The following UNC45B variants were observed in gnomAD, a reference collection of about 807,000 sequenced individuals.
UNC45B encodes protein unc-45 homolog B.
In UNC45B, 78 loss-of-function variants were observed where a neutral mutation model predicts 98.7. That is an observed-to-expected ratio of 0.79 (90% CI 0.66 to 0.95). The LOEUF (loss-of-function observed/expected upper bound fraction) is 0.95. Among genes scored for constraint, UNC45B ranks in the 40% least tolerant of loss-of-function variants. The pLI is 0.00. For missense variants in UNC45B, 1,225 were observed against 1,184.9 expected (o/e 1.03, Z -0.50); for synonymous variants, 462 against 480.4 (o/e 0.96, Z 0.50).
At position 35,183,525 on chromosome 17, in the gene UNC45B, G is replaced by T; in HGVS notation, c.2472G>T (p.Gly824=). 6.2e-7 allele frequency: 1 copy of T among 1,603,496 alleles called. No homozygotes were observed. Among genetic ancestry groups the T allele is most frequent in the Non-Finnish European group, 8.5e-7 (1 of 1,174,506 alleles). ...DDDKVQNAAA[G]ALAMLTAAHK... is the part of the protein sequence containing the mutation. Reference sequence around the variant, plus strand: ...ATAAGGTGCAGAATGCGGCTGCAGGGGCTCTGGCCATGCTGACAGCAGCAC... The same window carrying T: ...ATAAGGTGCAGAATGCGGCTGCAGGTGCTCTGGCCATGCTGACAGCAGCAC... The change falls in exon 19 of 20, where the codon GGG becomes GGT. Residue 824 remains glycine, a synonymous_variant. Coordinates refer to ENST00000394570, the MANE Select transcript of UNC45B (RefSeq NM_001267052.2).
rs551510023 is a variant in UNC45B at position 35,175,529 on chromosome 17, G to C, written c.1959-439G>C. ...GGGAAGGTTCCAGGCAGAGAGAATA[G>C]CATCTGCAAAGACACTGAGGATGGA... On this transcript the variant is annotated intron_variant, in intron 14 of 19. Coordinates refer to ENST00000394570, the MANE Select transcript of UNC45B (RefSeq NM_001267052.2). 3.3e-4 allele frequency among the ~76,000 whole-genome samples: 50 copies of C among 152,270 alleles called. No individual in the cohort carries two copies. In the South Asian group the frequency reaches 9.7e-3, roughly 30 times the overall value.
At chr17:35,179,953 T>C (rs1215506588) in intron 17 of UNC45B, among the ~76,000 whole-genome samples, 17 of 152,144 alleles carry the variant, frequency 1.1e-4, no homozygotes, top group Admixed American at 1.1e-3. Context: ...TATTCCTCTT[T>C]GGAAGCAGGA....
At chr17:35,159,258 A>G (rs2092084821) in intron 7 of UNC45B, 117 bp from the exon 8 acceptor site, 9 of 981,190 alleles carry the variant, frequency 9.2e-6, no homozygotes, top group Non-Finnish European at 1.4e-5. Flanking sequence ...GGGAATTCAC[A>G]TATTCAGGAA....
chr17:35,153,053 G>C, intron 5 of UNC45B, 71 bp downstream of exon 5: 1 of 1,359,050 alleles, frequency 7.4e-7, no homozygotes, highest in Non-Finnish European at 1.0e-6. Flanking sequence ...CATTCCGAGG[G>C]GGAAGGGGGA....
At chr17:35,180,007 A>G (rs919126389) in intron 17 of UNC45B, among the ~76,000 whole-genome samples, 4 of 152,192 alleles carry the variant, frequency 2.6e-5, no homozygotes, top group African/African-American at 4.8e-5. Flanking sequence ...GGTTGCCAGT[A>G]GCAGAAAACT....
chr17:35,183,451 G>A lies in UNC45B; in HGVS notation c.2398G>A (p.Gly800Arg), dbSNP rs142387062. Reference sequence around the variant, plus strand: ...GGTACAGGAAAGGTTCTTGGCTGACGGGAATGACCGGCTGAAGCTGGTGGT... The same window carrying A: ...GGTACAGGAAAGGTTCTTGGCTGACAGGAATGACCGGCTGAAGCTGGTGGT... ...KEVQERFLAD[G>R]NDRLKLVVLL... The change falls in exon 19 of 20, where the codon GGG becomes AGG. Residue 800 changes from glycine to arginine, a missense_variant. Coordinates refer to ENST00000394570, the MANE Select transcript of UNC45B (RefSeq NM_001267052.2). 16 of 1,596,064 alleles carry A rather than the reference G, an allele frequency of 1.0e-5. No homozygotes were observed. Among genetic ancestry groups the A allele is most frequent in the South Asian group, 7.9e-5 (7 of 88,366 alleles).
At chr17:35,159,345 C>T in intron 7 of UNC45B, 30 bp from the exon 8 acceptor site, 1 of 1,595,342 alleles carries the variant, frequency 6.3e-7, no homozygotes, top group Non-Finnish European at 8.6e-7. Flanking sequence ...TCCTACCCCT[C>T]TCTACTTACC....
rs185807723 is a variant in UNC45B, at chr17:35,152,789, G to A, written c.382-104G>A. On this transcript the variant is annotated intron_variant, in intron 4 of 19. Coordinates refer to ENST00000394570, the MANE Select transcript of UNC45B (RefSeq NM_001267052.2). ...AATACATGAATGAACGTATGTGCGG[G>A]AGCCCAGAGTAGACACCTGATATTT... The A allele has an allele frequency of 1.6e-3, 1,317 of 837,392 alleles. 3 individuals are homozygous for A. Among genetic ancestry groups the A allele is most frequent in the Non-Finnish European group, 1.6e-3 (757 of 475,812 alleles). 51.9% of individuals were successfully genotyped at this position (837,392 alleles called of 1,614,324 possible).
intron 19 of UNC45B, among the ~76,000 whole-genome samples, chr17:35,185,703 G>A (rs7207853): frequency 2.1e-3 from 316 of 152,102 alleles, no homozygotes; most frequent in African/African-American, 7.0e-3. Flanking sequence ...CTCTTTCCAT[G>A]TATCATCTCA....
At chr17:35,149,273 T>G (rs1232925903) in intron 3 of UNC45B, among the ~76,000 whole-genome samples, 3 of 152,290 alleles carry the variant, frequency 2.0e-5, no homozygotes, top group African/African-American at 7.2e-5. Flanking sequence ...GGAAGAAGGA[T>G]TGGATTTCAT....
intron 14 of UNC45B, among the ~76,000 whole-genome samples, chr17:35,175,042 G>A (rs12453090): frequency 1.6e-3 from 78 of 48,596 alleles, no homozygotes; most frequent in Non-Finnish European, 2.1e-3. Flanking sequence ...GAGGAAAGAA[G>A]GAAAGAAAGA....
intron 10 of UNC45B, 118 bp downstream of exon 10, chr17:35,168,479 CCAGA>C: frequency 2.4e-6 from 2 of 823,132 alleles, no homozygotes; most frequent in Admixed American, 8.2e-5. Context: ...CAAGGGGGCA[CCAGA>C]CCCAGCCACA....
chr17:35,168,491 A>T, intron 10 of UNC45B, 130 bp downstream of exon 10: 1 of 710,734 alleles, frequency 1.4e-6, no homozygotes, highest in Non-Finnish European at 2.0e-6. Flanking sequence ...AGACCCAGCC[A>T]CAGACCCCTG....
Position 35,186,356 on chromosome 17 carries a change from C to A in UNC45B, c.2587C>A (p.Gln863Lys), listed in dbSNP as rs778224579. The change falls in exon 20 of 20, where the codon CAA becomes AAA. Residue 863 changes from glutamine (Q) to lysine (K), a missense_variant. Coordinates refer to ENST00000394570, the MANE Select transcript of UNC45B (RefSeq NM_001267052.2). ...TTGCCTGCACGACCAGCTGTCTGTC[C>A]AACACCGGGGCCTGGTCATTGCCTA... Reference protein sequence around the residue: ...RLCLHDQLSVQHRGLVIAYNL... With the variant: ...RLCLHDQLSVKHRGLVIAYNL... The A allele has an allele frequency of 2.5e-6, 4 of 1,614,216 alleles. No homozygotes were observed. The highest frequency in any genetic ancestry group is 3.4e-6 in the Non-Finnish European group (4 of 1,180,032).
At position 35,148,336 on chromosome 17, in the gene UNC45B, G is replaced by A. The variant is rs752013155; in HGVS notation, c.73G>A (p.Ala25Thr). ...TTTCCAGCTCCAGGACTACAAGGCC[G>A]CCACAAATAGCTACAGCCAGGCCCT... ...RHFQLQDYKA[A>T]TNSYSQALKL... Residue 25 changes from alanine to threonine, a missense_variant, in exon 2 of 20, where the codon GCC becomes ACC. By Grantham distance (58) the Ala-to-Thr change is moderately conservative. Coordinates refer to ENST00000394570, the MANE Select transcript of UNC45B (RefSeq NM_001267052.2). 7.4e-5 allele frequency: 119 copies of A among 1,614,050 alleles called. No homozygotes were observed. Among genetic ancestry groups the A allele is most frequent in the South Asian group, 7.1e-4 (65 of 91,094 alleles).
chr17:35,179,245 T>C (rs988098089), intron 17 of UNC45B, among the ~76,000 whole-genome samples: 1 of 152,216 alleles, frequency 6.6e-6, no homozygotes, highest in African/African-American at 2.4e-5. Flanking sequence ...CAGTGGTTTG[T>C]AGTTCTCCTT....
chr17:35,173,216 C>G lies in UNC45B; in HGVS notation c.1831-1026C>G, dbSNP rs537501679. On this transcript the variant is annotated intron_variant, in intron 13 of 19. Transcript: ENST00000394570. The stretch of plus-strand genomic sequence containing the variant: ...TCTTGGCTCACTGCAACCTCCGCCT[C>G]TTGGGCTCAAGCAATTCTCCTGCTT... Among the ~76,000 whole-genome samples the G allele has an allele frequency of 3.3e-5, 5 of 151,042 alleles. No homozygotes were observed. The South Asian group carries it at 1.0e-3, about 31-fold the overall frequency.
chr17:35,151,663 A>G (rs1473909708), intron 4 of UNC45B, among the ~76,000 whole-genome samples: 1 of 152,170 alleles, frequency 6.6e-6, no homozygotes, highest in Non-Finnish European at 1.5e-5. Flanking sequence ...AAGACTCAAT[A>G]ACTTCTACAC....
At chr17:35,174,697 G>T (rs1174684689) in intron 14 of UNC45B, among the ~76,000 whole-genome samples, 1 of 152,090 alleles carries the variant, frequency 6.6e-6, no homozygotes, top group African/African-American at 2.4e-5. Context: ...GTGTGCACCT[G>T]TACTGCCAGC....
Sources: allele counts gnomAD v4.1 joint callset (sites outside exome capture counted in the v4.1 genomes callset), GRCh38; gene constraint gnomAD v4.1.1; transcripts MANE v1.5; gene names NCBI Gene and HGNC (gene_info 2026-07-23, HGNC 2026-07-21).